RBP4: variants seen among roughly 807,000 people sequenced by gnomAD.
RBP4 encodes the protein retinol-binding protein 4.
Under a neutral mutation model 26.2 loss-of-function variants are expected in RBP4, and 9 were observed. That is an observed-to-expected ratio of 0.34 (90% CI 0.21 to 0.60). The LOEUF is 0.60. Ranked by LOEUF, RBP4 falls within the 20% of genes least tolerant of loss-of-function variation. The pLI is 0.80. For missense variants in RBP4, 244 were observed against 271.3 expected, an observed-to-expected ratio of 0.90 and a Z score of 0.71; for synonymous variants, 114 against 111.0, an observed-to-expected ratio of 1.03 and a Z score of -0.17.
In RBP4 at chr10:93,593,917, G is replaced by C. The variant is rs762114740; in HGVS notation, c.474C>G (p.Asp158Glu). The C allele has an allele frequency of 2.5e-6, 4 of 1,613,856 alleles. No homozygotes were observed. The East Asian group carries it at 8.9e-5, about 36-fold the overall frequency. ...ADSYSFVFSR[D>E]PNGLPPEAQK... Reference sequence around the variant, plus strand: ...GCGCTTCTGGGGGCAGGCCGTTGGGGTCCCGGGAAAACACGAAGGAGTAGC... The same window carrying C: ...GCGCTTCTGGGGGCAGGCCGTTGGGCTCCCGGGAAAACACGAAGGAGTAGC... The change falls in exon 5 of 6, where the codon GAC (aspartate) becomes GAG (glutamate). Residue 158 changes from aspartate (D) to glutamate (E), a missense_variant. Physicochemically the swap from Asp to Glu is conservative, Grantham distance 45. Transcript: ENST00000371464.
chr10:93,591,970 G>C lies in RBP4; in HGVS notation c.*105C>G. On this transcript the variant is annotated 3_prime_UTR_variant, in exon 6 of 6. Coordinates refer to ENST00000371464, the MANE Select transcript of RBP4 (RefSeq NM_006744.4). ...GTGTAATGAAGGTTTTATGGGAACTGAGGGAAGATGGGGAGAGAAGGGCAA... is the reference window on the plus strand; with the variant it reads ...GTGTAATGAAGGTTTTATGGGAACTCAGGGAAGATGGGGAGAGAAGGGCAA... 1.0e-6 allele frequency: 1 copy of C among 957,464 alleles called. No homozygotes were observed. The highest frequency in any genetic ancestry group is 1.7e-6 in the Non-Finnish European group (1 of 587,110). 59.3% of individuals were successfully genotyped at this position (957,464 alleles called of 1,614,324 possible). A position where few individuals can be genotyped will look rare whatever the true frequency, so the allele number is the denominator to read the frequency against.
At chr10:93,598,160 C>T (rs1455549271) in intron 4 of RBP4, among the ~76,000 whole-genome samples, 2 of 152,202 alleles carry the variant, frequency 1.3e-5, no homozygotes, top group Admixed American at 6.5e-5. Flanking sequence ...CAGTGGTCTC[C>T]ATGGGTCCTC....
upstream of RBP4, chr10:93,601,265 T>C: frequency 1.6e-6 from 2 of 1,215,086 alleles, no homozygotes; most frequent in Non-Finnish European, 2.0e-6. Context: ...CGCTGCTTTA[T>C]AGCGCCGGGG....
At chr10:93,595,702 A>C (rs535700155) in intron 4 of RBP4, among the ~76,000 whole-genome samples, 1 of 152,340 alleles carries the variant, frequency 6.6e-6, no homozygotes, top group East Asian at 1.9e-4. Flanking sequence ...GCTGGTCCTA[A>C]GTTGCCTCTG....
intron 4 of RBP4, among the ~76,000 whole-genome samples, chr10:93,596,671 T>C (rs2058305046): frequency 6.6e-6 from 1 of 152,202 alleles, no homozygotes; most frequent in South Asian, 2.1e-4. Context: ...GTGTGTATAC[T>C]GTACCTACAC....
intron 5 of RBP4, 57 bp from the exon 6 acceptor site, chr10:93,592,169 G>A (rs1280562538): frequency 3.5e-6 from 5 of 1,442,012 alleles, no homozygotes; most frequent in African/African-American, 2.8e-5. Context: ...TTTTTATGTA[G>A]ATAATGAACA....
intron 5 of RBP4, 38 bp from the exon 6 acceptor site, chr10:93,592,150 T>G (rs1229281385): frequency 6.3e-7 from 1 of 1,597,878 alleles, no homozygotes; most frequent in South Asian, 1.1e-5. Context: ...CGACAGAAAG[T>G]GGACCCAGTT....
chr10:93,596,584 G>A (rs943781220), intron 4 of RBP4, among the ~76,000 whole-genome samples: 3 of 152,208 alleles, frequency 2.0e-5, no homozygotes, highest in Non-Finnish European at 4.4e-5. Context: ...GACAGAGAGC[G>A]TTGGAGGCAG....
At chr10:93,600,837 C>A in intron 2 of RBP4, 34 bp from the exon 3 acceptor site, 1 of 696,916 alleles carries the variant, frequency 1.4e-6, no homozygotes, top group East Asian at 7.1e-5. Flanking sequence ...GTTTGGCGTC[C>A]GGGGGCGCAC....
At chr10:93,596,815 A>G (rs1024748274) in intron 4 of RBP4, among the ~76,000 whole-genome samples, 1 of 152,192 alleles carries the variant, frequency 6.6e-6, no homozygotes, top group Admixed American at 6.5e-5. Context: ...GTGTCCTTTC[A>G]GCTCCCTAAA....
intron 4 of RBP4, 58 bp downstream of exon 4, chr10:93,600,335 C>A (rs1431399484): frequency 1.0e-5 from 15 of 1,453,396 alleles, no homozygotes; most frequent in African/African-American, 1.4e-5. Context: ...AGAAACCCAG[C>A]GATTTGGCCC....
At chr10:93,601,315 CCGAAGG>C (rs2058338144), upstream of RBP4, 1 of 1,223,902 alleles carries the variant, frequency 8.2e-7, no homozygotes, top group African/African-American at 1.6e-5. Flanking sequence ...GGGTGAAAGA[CCGAAGG>C]GGAGGCGCCG....
At chr10:93,599,588 A>G (rs541560105) in intron 4 of RBP4, among the ~76,000 whole-genome samples, 1 of 152,272 alleles carries the variant, frequency 6.6e-6, no homozygotes, top group East Asian at 1.9e-4. Flanking sequence ...CCTTGGGCAA[A>G]GTTCTCTTGG....
intron 2 of RBP4, 30 bp downstream of exon 2, chr10:93,600,888 G>A (rs1338399241): frequency 6.2e-7 from 1 of 1,610,508 alleles, no homozygotes; most frequent in Non-Finnish European, 8.5e-7. Flanking sequence ...GGGGACCTGG[G>A]CCGCCTGGGC....
intron 4 of RBP4, among the ~76,000 whole-genome samples, chr10:93,595,379 CTACTT>C (rs954308069): frequency 2.0e-5 from 3 of 152,164 alleles, no homozygotes; most frequent in African/African-American, 7.2e-5. Context: ...CTATCATCCT[CTACTT>C]TACAGGTGAG....
At chr10:93,594,471 G>A (rs2058289941) in intron 4 of RBP4, among the ~76,000 whole-genome samples, 1 of 152,196 alleles carries the variant, frequency 6.6e-6, no homozygotes, top group Non-Finnish European at 1.5e-5. Flanking sequence ...ATTGGCTTAT[G>A]TCTTTCTCGA....
At position 93,591,791 on chromosome 10, in the gene RBP4, C is replaced by T. The variant is rs886305704; in HGVS notation, c.*284G>A. 1 of 432,240 alleles carries T rather than the reference C, an allele frequency of 2.3e-6. No homozygotes were observed. Among genetic ancestry groups the T allele is most frequent in the African/African-American group, 2.0e-5 (1 of 50,234 alleles). The allele number at this position is 432,240 out of a possible 1,614,324, so 26.8% of individuals were successfully genotyped here. A position where few individuals can be genotyped will look rare whatever the true frequency, so the allele number is the denominator to read the frequency against. ...TCCTGGTATAAAGAAGCGCACCCCA[C>T]CCATCCGTCTGCAGCACAGACATAA... On this transcript the variant is annotated 3_prime_UTR_variant, in exon 6 of 6. Coordinates refer to ENST00000371464, the MANE Select transcript of RBP4 (RefSeq NM_006744.4).
At chr10:93,594,540 C>T (rs866832479) in intron 4 of RBP4, among the ~76,000 whole-genome samples, 4 of 152,350 alleles carry the variant, frequency 2.6e-5, no homozygotes, top group Admixed American at 2.6e-4. Flanking sequence ...TCTCTCAGTC[C>T]TCTGGAGGAT....
intron 1 of RBP4, 26 bp from the exon 2 acceptor site, chr10:93,601,072 G>T: frequency 1.3e-6 from 2 of 1,597,218 alleles, no homozygotes; most frequent in South Asian, 2.2e-5. Context: ...CTCCGTCAGT[G>T]CCCGGCAGCC....
Sources: gnomAD v4.1 joint callset for allele counts (sites outside exome capture counted in the v4.1 genomes callset) on GRCh38, gnomAD v4.1.1 for gene constraint, MANE v1.5 for transcripts, NCBI Gene and HGNC (gene_info 2026-07-23, HGNC 2026-07-21) for gene names.